BEND6: variants seen among roughly 807,000 people sequenced by gnomAD.
BEND6 encodes BEN domain-containing protein 6.
BEND6 carries 24 observed loss-of-function variants against 31.8 expected under a neutral mutation model. The observed-to-expected ratio is 0.75, with a 90% CI of 0.55 to 1.06. The LOEUF (loss-of-function observed/expected upper bound fraction) is 1.06, where lower values mean the gene tolerates loss of function less well. Ranked by LOEUF, BEND6 falls within the 50% of genes least tolerant of loss-of-function variation. BEND6 has a pLI of 0.00. For missense variants in BEND6, 294 were observed against 327.4 expected (o/e 0.90, Z 0.79); for synonymous variants, 109 against 114.6 (o/e 0.95, Z 0.31).
chr6:56,978,958 T>A (rs1825978984), intron 1 of BEND6, among the ~76,000 whole-genome samples: 1 of 152,218 alleles, frequency 6.6e-6, no homozygotes, highest in African/African-American at 2.4e-5. Flanking sequence ...TAACAACAAC[T>A]AATTGATGAT....
Position 56,986,548 on chromosome 6 carries a change from G to C in BEND6, c.120+4618G>C, listed in dbSNP as rs189131075. Among the ~76,000 whole-genome samples, 459 of 152,186 alleles carry C rather than the reference G, an allele frequency of 3.0e-3. 4 individuals carry two copies. Among genetic ancestry groups the C allele is most frequent in the African/African-American group, 0.011 (436 of 41,508 alleles). ...TGTTTTCTATAACTGATCTCATCTG[G>C]CTTTCAAGTCTCTATGCTTGATTGA... On this transcript the variant is annotated intron_variant, in intron 2 of 6. Transcript: ENST00000370746.
At chr6:57,014,987 C>T in intron 3 of BEND6, 146 bp from the exon 4 acceptor site, 2 of 583,180 alleles carry the variant, frequency 3.4e-6, no homozygotes, top group South Asian at 6.0e-5. Context: ...TTCCAAACAC[C>T]TTTCCTGCCA....
At chr6:56,967,423 G>T (rs147104747) in intron 1 of BEND6, among the ~76,000 whole-genome samples, 1 of 152,120 alleles carries the variant, frequency 6.6e-6, no homozygotes, top group Admixed American at 6.5e-5. Flanking sequence ...CCCACAGGAA[G>T]GGAGCCGGGA....
At chr6:57,022,836 T>C (rs1344148348) in intron 6 of BEND6, among the ~76,000 whole-genome samples, 1 of 152,208 alleles carries the variant, frequency 6.6e-6, no homozygotes, top group Non-Finnish European at 1.5e-5. Flanking sequence ...TGTATCTCCA[T>C]TTACATTTGT....
intron 1 of BEND6, among the ~76,000 whole-genome samples, chr6:56,977,492 A>G (rs777262685): frequency 6.6e-6 from 1 of 152,254 alleles, no homozygotes; most frequent in Non-Finnish European, 1.5e-5. Flanking sequence ...CAGAAAAATA[A>G]TTAGACAAAT....
At chr6:56,972,088 T>G (rs78502539) in intron 1 of BEND6, among the ~76,000 whole-genome samples, 1 of 19,816 alleles carries the variant, frequency 5.0e-5, no homozygotes, top group Non-Finnish European at 1.2e-4. Context: ...TTTACTTTCT[T>G]TTTTTTTTTT....
At chr6:56,975,465 T>C (rs1348699701) in intron 1 of BEND6, 1 of 174,564 alleles carries the variant, frequency 5.7e-6, no homozygotes, top group African/African-American at 2.4e-5. Context: ...CCAATATACT[T>C]CCTGTTTTTT....
chr6:57,021,731 TCTC>T (rs1277455390), intron 6 of BEND6, among the ~76,000 whole-genome samples: 3 of 152,154 alleles, frequency 2.0e-5, no homozygotes, highest in Non-Finnish European at 4.4e-5. Flanking sequence ...CAAACTGCCT[TCTC>T]CTGAAATTTC....
At chr6:56,985,971 A>T (rs1826254043) in intron 2 of BEND6, among the ~76,000 whole-genome samples, 2 of 152,154 alleles carry the variant, frequency 1.3e-5, no homozygotes, top group African/African-American at 2.4e-5. Context: ...CTTTTGCCTG[A>T]TGTCCTTTCC....
At chr6:56,963,338 C>A (rs1592963836) in intron 1 of BEND6, among the ~76,000 whole-genome samples, 1 of 152,188 alleles carries the variant, frequency 6.6e-6, no homozygotes, top group African/African-American at 2.4e-5. Context: ...GCAGTCCTCT[C>A]CTTTAGCCTG....
intron 3 of BEND6, 40 bp from the exon 4 acceptor site, chr6:57,015,090 TATC>T (rs774004085): frequency 6.5e-7 from 1 of 1,537,512 alleles, no homozygotes; most frequent in South Asian, 1.1e-5. Context: ...ATGCACCTAT[TATC>T]AATGGTATTT....
At chr6:56,956,201 A>G (rs1384098332) in intron 1 of BEND6, among the ~76,000 whole-genome samples, 2 of 152,246 alleles carry the variant, frequency 1.3e-5, no homozygotes, top group Non-Finnish European at 2.9e-5. Context: ...ACTTGACTGC[A>G]TTTGCGGAGT....
chr6:57,019,704 A>G (rs1167480211), intron 6 of BEND6, among the ~76,000 whole-genome samples: 1 of 152,208 alleles, frequency 6.6e-6, no homozygotes, highest in African/African-American at 2.4e-5. Context: ...GTCTTCCTGA[A>G]ACAAAAACAT....
At chr6:56,977,634 A>G (rs1825926421) in intron 1 of BEND6, among the ~76,000 whole-genome samples, 1 of 152,216 alleles carries the variant, frequency 6.6e-6, no homozygotes, top group Non-Finnish European at 1.5e-5. Context: ...TTGAAACAGC[A>G]TTCACAAACC....
At chr6:57,012,064 G>A (rs1482507629) in intron 3 of BEND6, among the ~76,000 whole-genome samples, 1 of 152,168 alleles carries the variant, frequency 6.6e-6, no homozygotes, top group East Asian at 1.9e-4. Flanking sequence ...GGCGGAGGTT[G>A]CAGTGAACCG....
intron 1 of BEND6, among the ~76,000 whole-genome samples, chr6:56,964,560 GGCCTGATCATA>G (rs1825402445): frequency 6.6e-6 from 1 of 151,578 alleles, no homozygotes; most frequent in African/African-American, 2.4e-5. Flanking sequence ...GGAGTGCAGT[GGCCTGATCATA>G]GCTTACTATA....
rs1827635533 is a variant in BEND6 at position 57,018,410 on chromosome 6, G to GT, written c.713-5dup. ...TGAAGTTTCTCATGTGTCGCTATTG[G>GT]TTTTTTACAGGAGTAACAAAACAAT... On this transcript the variant is annotated splice_polypyrimidine_tract_variant and intron_variant, in intron 5 of 6. Coordinates refer to ENST00000370746, the MANE Select transcript of BEND6 (RefSeq NM_152731.3). 3 of 1,578,156 alleles carry GT rather than the reference G, an allele frequency of 1.9e-6. No individual in the cohort carries two copies. Among genetic ancestry groups the GT allele is most frequent in the Non-Finnish European group, 2.6e-6 (3 of 1,168,890 alleles).
chr6:56,996,764 G>A (rs746262681), intron 3 of BEND6, among the ~76,000 whole-genome samples: 1 of 152,032 alleles, frequency 6.6e-6, no homozygotes, highest in Non-Finnish European at 1.5e-5. Context: ...CACTAGCTTT[G>A]CCTTCAAAAT....
intron 3 of BEND6, chr6:57,009,512 T>C (rs901526579): frequency 9.8e-5 from 15 of 152,338 alleles, no homozygotes; most frequent in African/African-American, 3.4e-4. Context: ...AGCAATTAGA[T>C]GTGCCCTTGT....
Sources: allele counts gnomAD v4.1 joint callset (sites outside exome capture counted in the v4.1 genomes callset), GRCh38; gene constraint gnomAD v4.1.1; transcripts MANE v1.5; gene names NCBI Gene and HGNC (gene_info 2026-07-23, HGNC 2026-07-21).